ROBO2: variants seen among roughly 807,000 people sequenced by gnomAD.
ROBO2 encodes roundabout guidance receptor 2, also known as roundabout homolog 2.
A neutral mutation model predicts 160.8 loss-of-function variants in ROBO2; 53 were observed. That is an observed-to-expected ratio of 0.33 (90% CI 0.26 to 0.41). The LOEUF (loss-of-function observed/expected upper bound fraction) is 0.41, where lower values mean the gene tolerates loss of function less well. ROBO2 is among the 10% of genes least tolerant of loss of function. The pLI, the probability that ROBO2 is intolerant of heterozygous loss-of-function variation, is 1.00. For synonymous variants in ROBO2, 664 were observed against 611.7 expected (o/e 1.09, Z -1.26); for missense variants, 1,577 against 1,722.4 (o/e 0.92, Z 1.49).
intron 2 of ROBO2, among the ~76,000 whole-genome samples, chr3:77,415,544 T>C (rs1487948914): frequency 6.6e-6 from 1 of 152,196 alleles, no homozygotes; most frequent in Non-Finnish European, 1.5e-5. Context: ...TGGCCAGCTG[T>C]GCCCCTGCCC....
chr3:76,270,703 C>T (rs1488524271), intron 2 of ROBO2, among the ~76,000 whole-genome samples: 1 of 151,942 alleles, frequency 6.6e-6, no homozygotes, highest in Non-Finnish European at 1.5e-5. Flanking sequence ...TAAATATATC[C>T]TTTAAAAATA....
At chr3:77,509,067 G>GGTT (rs2089003568) in intron 5 of ROBO2, among the ~76,000 whole-genome samples, 1 of 151,990 alleles carries the variant, frequency 6.6e-6, no homozygotes, top group African/African-American at 2.4e-5. Context: ...TTACAAGTCT[G>GGTT]GTTTACATAT....
At chr3:76,975,413 G>T (rs1002432716) in intron 2 of ROBO2, among the ~76,000 whole-genome samples, 3 of 152,176 alleles carry the variant, frequency 2.0e-5, no homozygotes, top group African/African-American at 7.2e-5. Flanking sequence ...GCTGAGGCAG[G>T]AGAATCGCTT....
chr3:76,744,264 T>C (rs1276860959), intron 2 of ROBO2, among the ~76,000 whole-genome samples: 1 of 152,130 alleles, frequency 6.6e-6, no homozygotes, highest in Non-Finnish European at 1.5e-5. Context: ...AGGGTAGGTT[T>C]CTTCTCCGCC....
At chr3:77,292,025 A>G (rs9865211) in intron 2 of ROBO2, among the ~76,000 whole-genome samples, 1 of 140,976 alleles carries the variant, frequency 7.1e-6, no homozygotes, top group Non-Finnish European at 1.5e-5. Flanking sequence ...TCACCCCAGA[A>G]ATAAAGTAAA....
chr3:76,381,707 C>G (rs2076633236), intron 2 of ROBO2, among the ~76,000 whole-genome samples: 1 of 152,152 alleles, frequency 6.6e-6, no homozygotes, highest in Non-Finnish European at 1.5e-5. Context: ...CAATACCATT[C>G]TAATCATCCT....
At chr3:76,686,683 A>G (rs2092693019) in intron 2 of ROBO2, among the ~76,000 whole-genome samples, 1 of 152,100 alleles carries the variant, frequency 6.6e-6, no homozygotes. Context: ...ACAGCCAGGT[A>G]TACTGGCTCA....
chr3:77,643,569 G>C lies in ROBO2; in HGVS notation c.3935-1135G>C, dbSNP rs142347216. Among the ~76,000 whole-genome samples, 158 of 152,152 alleles carry C rather than the reference G, an allele frequency of 1.0e-3. 2 individuals carry two copies. The highest frequency in any genetic ancestry group is 3.6e-3 in the African/African-American group (151 of 41,512). The stretch of plus-strand genomic sequence containing the variant: ...CATTGTTTGTAGTTAGATTTTTTTG[G>C]GGGGAGAGGTGTGGCGCGGGAGGTG... On this transcript the variant is annotated intron_variant, in intron 24 of 25. Coordinates refer to ENST00000461745, the Ensembl canonical transcript of ROBO2.
At chr3:76,015,606 G>A (rs1207531443) in intron 2 of ROBO2, among the ~76,000 whole-genome samples, 1 of 152,160 alleles carries the variant, frequency 6.6e-6, no homozygotes, top group East Asian at 1.9e-4. Context: ...TTCTGGTATG[G>A]GAAGAAGAAA....
At chr3:77,208,852 G>A (rs955102595) in intron 2 of ROBO2, among the ~76,000 whole-genome samples, 1 of 152,186 alleles carries the variant, frequency 6.6e-6, no homozygotes, top group Non-Finnish European at 1.5e-5. Flanking sequence ...GGCATGTCCA[G>A]ATGACATTGG....
chr3:77,119,067 G>T (rs891470785), intron 2 of ROBO2, among the ~76,000 whole-genome samples: 2 of 152,058 alleles, frequency 1.3e-5, no homozygotes, highest in Non-Finnish European at 2.9e-5. Flanking sequence ...GAGTTCTCAC[G>T]AGATCTGATC....
chr3:77,574,680 A>G (rs759132311), exon 14 of ROBO2: 4 of 1,613,306 alleles, frequency 2.5e-6, no homozygotes, highest in Non-Finnish European at 3.4e-6. Context: ...TATTTTAATG[A>G]GTTCCAAGGA....
chr3:77,303,564 T>A (rs2062835462), intron 2 of ROBO2, among the ~76,000 whole-genome samples: 1 of 152,138 alleles, frequency 6.6e-6, no homozygotes, highest in Non-Finnish European at 1.5e-5. Flanking sequence ...TCACAATGCT[T>A]ATATTTGAGT....
At chr3:76,835,750 T>C (rs1311387044) in intron 2 of ROBO2, among the ~76,000 whole-genome samples, 2 of 152,036 alleles carry the variant, frequency 1.3e-5, no homozygotes, top group Non-Finnish European at 2.9e-5. Flanking sequence ...TCTCCAACTT[T>C]GTGATTCCTA....
At chr3:76,835,447 ATTATATGT>A (rs1361614004) in intron 2 of ROBO2, among the ~76,000 whole-genome samples, 2 of 148,174 alleles carry the variant, frequency 1.3e-5, no homozygotes, top group Non-Finnish European at 3.0e-5. Context: ...AATGTAATAC[ATTATATGT>A]TTGCACATAT....
intron 2 of ROBO2, among the ~76,000 whole-genome samples, chr3:76,922,102 G>A (rs1365986602): frequency 6.6e-6 from 1 of 152,154 alleles, no homozygotes; most frequent in African/African-American, 2.4e-5. Context: ...AAGAGGTCAG[G>A]AGATCGAGAC....
chr3:76,646,591 T>A (rs1263916973), intron 2 of ROBO2, among the ~76,000 whole-genome samples: 3 of 152,138 alleles, frequency 2.0e-5, no homozygotes, highest in African/African-American at 7.2e-5. Flanking sequence ...AATATGCAAT[T>A]AAAGTATTTA....
At chr3:76,790,091 T>C (rs2063258525) in intron 2 of ROBO2, among the ~76,000 whole-genome samples, 1 of 151,698 alleles carries the variant, frequency 6.6e-6, no homozygotes, top group African/African-American at 2.4e-5. Flanking sequence ...ATCATTGTCA[T>C]ATGTGTTTGA....
chr3:76,158,143 C>T (rs1233324368), intron 2 of ROBO2, among the ~76,000 whole-genome samples: 1 of 152,138 alleles, frequency 6.6e-6, no homozygotes, highest in African/African-American at 2.4e-5. Context: ...TCTAGGACTA[C>T]AGCAGAAGTA....
Sources: allele counts gnomAD v4.1 joint callset (sites outside exome capture counted in the v4.1 genomes callset), GRCh38; gene constraint gnomAD v4.1.1; transcripts MANE v1.5; gene names NCBI Gene and HGNC (gene_info 2026-07-23, HGNC 2026-07-21).